The following TRIM25 variants were observed in gnomAD, a reference collection of about 807,000 sequenced individuals.
TRIM25 encodes the protein E3 ubiquitin/ISG15 ligase TRIM25.
TRIM25 carries 45 observed loss-of-function variants against 65.2 expected under a neutral mutation model. The ratio of observed to expected loss-of-function variants is 0.69; its 90% CI spans 0.54 to 0.89. The LOEUF is 0.89. Ranked by LOEUF, TRIM25 falls within the 40% of genes least tolerant of loss-of-function variation. The probability of loss-of-function intolerance (pLI) is 0.00; values close to 1 mark genes in which losing one functional copy is unlikely to be tolerated. For missense variants in TRIM25, 714 were observed against 803.7 expected (o/e 0.89, Z 1.35); for synonymous variants, 321 against 340.4 (o/e 0.94, Z 0.63).
chr17:56,893,557 G>C (rs1567837899), intron 8 of TRIM25, among the ~76,000 whole-genome samples: 1 of 152,250 alleles, frequency 6.6e-6, no homozygotes, highest in African/African-American at 2.4e-5. Context: ...TTATGATAAA[G>C]GAAGGGCTAT....
Position 56,891,866 on chromosome 17 carries a change from C to A in TRIM25, c.1727G>T (p.Arg576Leu), listed in dbSNP as rs760096757. 2.5e-6 allele frequency: 4 copies of A among 1,614,122 alleles called. No homozygotes were observed. The highest frequency in any genetic ancestry group is 3.4e-6 in the Non-Finnish European group (4 of 1,180,052). Residue 576 changes from arginine (R) to leucine (L), a missense_variant, in exon 9 of 9, where the codon CGG becomes CTG. Physicochemically the swap from Arg to Leu is moderately radical, Grantham distance 102. This residue lies in a region of TRIM25 where 413 missense variants were observed against 498.2 expected (regional missense o/e 0.83). Transcript: ENST00000316881. Reference sequence around the variant, plus strand: ...GTCACAGTTGAGAAGCACGCCCACCCGCGTGGCCTTGGTGGAGGGCAGGGT... The same window carrying A: ...GTCACAGTTGAGAAGCACGCCCACCAGCGTGGCCTTGGTGGAGGGCAGGGT... ...EKTLPSTKAT[R>L]VGVLLNCDHG...
chr17:56,904,507 G>A lies in TRIM25; in HGVS notation c.694-19C>T, dbSNP rs1909482293. ...CAGTCATCTGAGAGGGCCAAGGTAA[G>A]AGGATGCCCGTCAAAGGGGCAAAAG... On this transcript the variant is annotated intron_variant, in intron 2 of 8. Transcript: ENST00000316881. 6.2e-7 allele frequency: 1 copy of A among 1,611,662 alleles called. No homozygotes were observed. Among genetic ancestry groups the A allele is most frequent in the Non-Finnish European group, 8.5e-7 (1 of 1,178,310 alleles).
intron 8 of TRIM25, among the ~76,000 whole-genome samples, chr17:56,894,777 G>A (rs145483337): frequency 1.1e-3 from 165 of 152,340 alleles, no homozygotes; most frequent in Non-Finnish European, 2.0e-3. Flanking sequence ...AGAGCCCAGG[G>A]CCAGGGGGTC....
At position 56,890,662 on chromosome 17, in the gene TRIM25, G is replaced by T. The variant is rs1311115386; in HGVS notation, c.*1038C>A. 2.2e-6 allele frequency: 1 copy of T among 456,732 alleles called. No homozygotes were observed. The highest frequency in any genetic ancestry group is 1.5e-5 in the South Asian group (1 of 64,570). 28.3% of individuals were successfully genotyped at this position (456,732 alleles called of 1,614,324 possible). ...CTTCAGGGATCCAGCTTAGCTGGAG[G>T]CTTGACTGTGCTAGCCTCGGTGGTA... On this transcript the variant is annotated 3_prime_UTR_variant, in exon 9 of 9. Transcript: ENST00000316881.
rs566160461 is a variant in TRIM25, at chr17:56,909,463, T to C, written c.598-900A>G. Among the ~76,000 whole-genome samples the C allele has an allele frequency of 1.1e-4, 17 of 152,120 alleles. No homozygotes were observed. In the South Asian group the frequency reaches 3.5e-3, roughly 32 times the overall value. ...ACTTTAGGAGGCCCAGGCAGGTGGA[T>C]CATTTGCTCTCAGGAGTTCGAGACC... On this transcript the variant is annotated intron_variant, in intron 1 of 8. Coordinates refer to ENST00000316881, the MANE Select transcript of TRIM25 (RefSeq NM_005082.5).
chr17:56,901,722 C>T, intron 3 of TRIM25, 144 bp from the exon 4 acceptor site: 2 of 1,055,460 alleles, frequency 1.9e-6, no homozygotes, highest in Non-Finnish European at 2.8e-6. Context: ...CAGAGGTCAC[C>T]AGGAGTTTAA....
At chr17:56,911,916 GT>G (rs1366426145) in intron 1 of TRIM25, among the ~76,000 whole-genome samples, 3 of 148,816 alleles carry the variant, frequency 2.0e-5, no homozygotes, top group African/African-American at 7.5e-5. Flanking sequence ...AAAAAGCCAA[GT>G]TTAGAGCCAG....
Position 56,889,502 on chromosome 17 carries a change from C to T in TRIM25, c.*2198G>A, listed in dbSNP as rs1459245816. 3 of 361,764 alleles carry T rather than the reference C, an allele frequency of 8.3e-6. No individual in the cohort carries two copies. The highest frequency in any genetic ancestry group is 1.5e-5 in the Non-Finnish European group (3 of 203,050). The allele number at this position is 361,764 out of a possible 1,614,324, so 22.4% of individuals were successfully genotyped here. ...CAAGGCTAGGTTATGTAAGGTCTCA[C>T]CATTGCAAACAGAATGGTTCAAGAC... On this transcript the variant is annotated 3_prime_UTR_variant, in exon 9 of 9. Transcript: ENST00000316881.
chr17:56,904,369 GT>G lies in TRIM25; in HGVS notation c.812del (p.Asn271ThrfsTer21). 6.2e-7 allele frequency: 1 copy of G among 1,614,166 alleles called. No individual in the cohort carries two copies. Among genetic ancestry groups the G allele is most frequent in the Non-Finnish European group, 8.5e-7 (1 of 1,180,032 alleles). On this transcript the variant is annotated frameshift_variant, in exon 3 of 9. Coordinates refer to ENST00000316881, the MANE Select transcript of TRIM25 (RefSeq NM_005082.5). LOFTEE classifies it high-confidence loss of function. ...RKIKEEEKRV[N>X]SKFDTIYQIL... is the part of the protein sequence containing the mutation. ...TCTGATAAATGGTGTCAAACTTGCT[GT>G]TGACCCTCTTCTCCTCTTCCTTTAT... is the stretch of plus-strand genomic sequence containing the variant.
chr17:56,908,396 C>G, intron 2 of TRIM25, 72 bp downstream of exon 2: 1 of 1,476,848 alleles, frequency 6.8e-7, no homozygotes, highest in South Asian at 1.1e-5. Flanking sequence ...ATGGTCAGAG[C>G]CACGCCCATC....
chr17:56,906,738 A>G (rs568288347), intron 2 of TRIM25, among the ~76,000 whole-genome samples: 3 of 152,274 alleles, frequency 2.0e-5, no homozygotes, highest in Non-Finnish European at 4.4e-5. Flanking sequence ...CAGGTGATCC[A>G]TGCGTCTCGG....
In TRIM25 at chr17:56,892,196, G is replaced by GCCA; in HGVS notation, c.1396_1397insTGG (p.Thr465_Ala466insVal). The GCCA allele has an allele frequency of 6.2e-7, 1 of 1,608,762 alleles. No individual in the cohort carries two copies. Among genetic ancestry groups the GCCA allele is most frequent in the South Asian group, 1.1e-5 (1 of 90,958 alleles). ...CTCTGACAGAGCCACTTTGTTGTGG[G>GCCA]CGGTGTTGTAGTCCAGGATGACTTT... is the stretch of plus-strand genomic sequence containing the variant. On this transcript the variant is annotated inframe_insertion, in exon 9 of 9. Coordinates refer to ENST00000316881, the MANE Select transcript of TRIM25 (RefSeq NM_005082.5).
Position 56,904,502 on chromosome 17 carries a change from G to GTCAT in TRIM25, c.694-15_694-14insATGA. The GTCAT allele has an allele frequency of 6.2e-7, 1 of 1,612,536 alleles. No individual in the cohort carries two copies. Among genetic ancestry groups the GTCAT allele is most frequent in the South Asian group, 1.1e-5 (1 of 91,050 alleles). ...GTTTGCAGTCATCTGAGAGGGCCAA[G>GTCAT]GTAAGAGGATGCCCGTCAAAGGGGC... On this transcript the variant is annotated splice_polypyrimidine_tract_variant and intron_variant, in intron 2 of 8. Coordinates refer to ENST00000316881, the MANE Select transcript of TRIM25 (RefSeq NM_005082.5).
rs1467351919 is a variant in TRIM25 at position 56,890,738 on chromosome 17, G to A, written c.*962C>T. On this transcript the variant is annotated 3_prime_UTR_variant, in exon 9 of 9. Coordinates refer to ENST00000316881, the MANE Select transcript of TRIM25 (RefSeq NM_005082.5). ...AATCCAGGGAAGAGAGGCTATCACC[G>A]AGAAGAGTTGTCAGTAAGAAGGCAG... is the stretch of plus-strand genomic sequence containing the variant. The A allele has an allele frequency of 1.1e-5, 5 of 456,490 alleles. No homozygotes were observed. The East Asian group carries it at 2.1e-4, about 19-fold the overall frequency. The allele number at this position is 456,490 out of a possible 1,614,324, so 28.3% of individuals were successfully genotyped here.
At chr17:56,898,339 T>C (rs1269375497) in intron 5 of TRIM25, among the ~76,000 whole-genome samples, 4 of 152,314 alleles carry the variant, frequency 2.6e-5, no homozygotes, top group Admixed American at 2.6e-4. Flanking sequence ...ATCTCAGTGG[T>C]ATATGGACAT....
chr17:56,890,250 A>T lies in TRIM25; in HGVS notation c.*1450T>A. On this transcript the variant is annotated 3_prime_UTR_variant, in exon 9 of 9. Coordinates refer to ENST00000316881, the MANE Select transcript of TRIM25 (RefSeq NM_005082.5). ...TTCCTCATACTCACATCCTGACAAC[A>T]TTAGGCTATAAGGAGCTTGGGGAAA... 1 of 317,640 alleles carries T rather than the reference A, an allele frequency of 3.1e-6. No individual in the cohort carries two copies. Among genetic ancestry groups the T allele is most frequent in the Non-Finnish European group, 6.1e-6 (1 of 164,582 alleles). 19.7% of individuals were successfully genotyped at this position (317,640 alleles called of 1,614,324 possible).
chr17:56,908,026 T>C (rs1368068860), intron 2 of TRIM25, among the ~76,000 whole-genome samples: 1 of 152,228 alleles, frequency 6.6e-6, no homozygotes, highest in East Asian at 1.9e-4. Flanking sequence ...CATCTTGATT[T>C]TGGACTTCTG....
intron 2 of TRIM25, among the ~76,000 whole-genome samples, chr17:56,907,540 TA>T (rs1475527113): frequency 6.6e-6 from 1 of 152,068 alleles, no homozygotes; most frequent in Non-Finnish European, 1.5e-5. Context: ...TGAAAAAGGG[TA>T]AAAATCTGAT....
rs560722102 is a variant in TRIM25 at position 56,896,930 on chromosome 17, T to G, written c.1154-978A>C. Among the ~76,000 whole-genome samples, 117 of 150,784 alleles carry G rather than the reference T, an allele frequency of 7.8e-4. 1 individual carries two copies. Among genetic ancestry groups the G allele is most frequent in the African/African-American group, 2.8e-3 (114 of 40,968 alleles). ...GATCAGCCTGGACAACATATCAATA[T>G]CCTGTCTCTACAAAAAAAAAAAAAT... On this transcript the variant is annotated intron_variant, in intron 5 of 8. Coordinates refer to ENST00000316881, the MANE Select transcript of TRIM25 (RefSeq NM_005082.5).
Sources: gnomAD v4.1 joint callset for allele counts (sites outside exome capture counted in the v4.1 genomes callset) on GRCh38, gnomAD v4.1.1 for gene constraint, gnomAD v4.1.1 regional missense constraint, MANE v1.5 for transcripts, NCBI Gene and HGNC (gene_info 2026-07-23, HGNC 2026-07-21) for gene names.